GSK3B: variants seen among roughly 807,000 people sequenced by gnomAD.
The protein encoded by GSK3B is glycogen synthase kinase 3 beta, also known as glycogen synthase kinase-3 beta.
Under a neutral mutation model 56.4 loss-of-function variants are expected in GSK3B, and 15 were observed. The observed-to-expected ratio is 0.27, with a 90% CI of 0.18 to 0.41. The LOEUF is 0.41. GSK3B is among the 10% of genes least tolerant of loss of function. GSK3B has a pLI of 1.00. For synonymous variants in GSK3B, 181 were observed against 188.9 expected (o/e 0.96, Z 0.34); for missense variants, 300 against 513.4 (o/e 0.58, Z 4.02).
At chr3:119,907,038 T>C (rs1271965122) in intron 6 of GSK3B, among the ~76,000 whole-genome samples, 2 of 152,092 alleles carry the variant, frequency 1.3e-5, no homozygotes, top group African/African-American at 2.4e-5. Context: ...TATTAGGAAA[T>C]TGCTAAATTA....
chr3:119,954,289 GAATAGAATAGAATAGAAAAGA>G (rs2057189313), intron 2 of GSK3B, among the ~76,000 whole-genome samples: 1 of 129,394 alleles, frequency 7.7e-6, no homozygotes. Flanking sequence ...GAATAGAATA[GAATAGAATAGAATAGAAAAGA>G]AACAGAACAG....
chr3:120,063,650 C>T (rs1464856039), intron 1 of GSK3B, among the ~76,000 whole-genome samples: 2 of 151,252 alleles, frequency 1.3e-5, no homozygotes, highest in East Asian at 3.9e-4. Flanking sequence ...ATCGCTTGAA[C>T]CCAGGAGGCA....
intron 3 of GSK3B, among the ~76,000 whole-genome samples, chr3:119,926,864 G>A (rs1277585337): frequency 6.6e-6 from 1 of 152,038 alleles, no homozygotes. Flanking sequence ...TACCTTCTTA[G>A]TATGGCTTTC....
chr3:119,838,325 T>C (rs1031480431), intron 10 of GSK3B, among the ~76,000 whole-genome samples: 15 of 152,050 alleles, frequency 9.9e-5, no homozygotes, highest in Non-Finnish European at 1.0e-4. Context: ...GAATTGATAG[T>C]AGTATGGGTA....
At chr3:119,979,590 G>C (rs992387468) in intron 2 of GSK3B, among the ~76,000 whole-genome samples, 2 of 152,192 alleles carry the variant, frequency 1.3e-5, no homozygotes, top group Admixed American at 6.5e-5. Flanking sequence ...CTCCATGTCT[G>C]ACTTGTCACA....
intron 1 of GSK3B, chr3:120,029,761 A>T: frequency 1.8e-6 from 1 of 555,526 alleles, no homozygotes. Flanking sequence ...GGAATATGGT[A>T]TGTTACTTAT....
At chr3:119,882,616 G>T (rs1310697406) in intron 7 of GSK3B, among the ~76,000 whole-genome samples, 1 of 152,124 alleles carries the variant, frequency 6.6e-6, no homozygotes, top group African/African-American at 2.4e-5. Context: ...AACTTTTTAT[G>T]TAAGTATGTT....
chr3:120,040,454 G>A (rs2058056774), intron 1 of GSK3B, among the ~76,000 whole-genome samples: 1 of 152,180 alleles, frequency 6.6e-6, no homozygotes, highest in Admixed American at 6.5e-5. Context: ...GGATAGGCAA[G>A]AAATCTCTAA....
Position 119,823,655 on chromosome 3 carries a change from C to CATACATTA in GSK3B, c.*3132_*3133insTAATGTAT, listed in dbSNP as rs1559795803. Reference sequence around the variant, plus strand: ...GGGCTCCCTGGTGCTACACTAAGTCCCTGAATGGACTAAGTATGAAATGAA... The same window carrying CATACATTA: ...GGGCTCCCTGGTGCTACACTAAGTCCATACATTACTGAATGGACTAAGTATGAAATGAA... On this transcript the variant is annotated 3_prime_UTR_variant, in exon 11 of 11. Transcript: ENST00000264235. The CATACATTA allele has an allele frequency of 2.0e-4, 37 of 182,578 alleles. No individual in the cohort carries two copies. Among genetic ancestry groups the CATACATTA allele is most frequent in the Non-Finnish European group, 2.8e-4 (24 of 85,788 alleles). 11.3% of individuals were successfully genotyped at this position (182,578 alleles called of 1,614,324 possible).
intron 2 of GSK3B, among the ~76,000 whole-genome samples, chr3:119,994,964 T>C (rs1047142390): frequency 2.0e-5 from 3 of 152,122 alleles, no homozygotes; most frequent in African/African-American, 7.2e-5. Flanking sequence ...TCTTTTGAGT[T>C]TGGGAAACAG....
At chr3:119,859,057 C>G (rs1406002781) in intron 9 of GSK3B, among the ~76,000 whole-genome samples, 2 of 151,880 alleles carry the variant, frequency 1.3e-5, no homozygotes, top group Non-Finnish European at 2.9e-5. Context: ...GCAAGAATTA[C>G]CAAATGTGGC....
Position 119,893,943 on chromosome 3 carries a change from TTAC to T in GSK3B, c.813+11809_813+11811del, listed in dbSNP as rs201202055. Among the ~76,000 whole-genome samples, 109 of 152,234 alleles carry T rather than the reference TTAC, an allele frequency of 7.2e-4. No homozygotes were observed. In the East Asian group the frequency reaches 0.014, roughly 19 times the overall value. On this transcript the variant is annotated intron_variant, in intron 7 of 10. Coordinates refer to ENST00000264235, the MANE Select transcript of GSK3B (RefSeq NM_001146156.2). ...CACCCCTTATACAACTGAGTGATTT[TTAC>T]TACATTTACAGAGGTGTGCAATCAT...
At chr3:119,850,716 AG>A (rs2055918307) in intron 9 of GSK3B, among the ~76,000 whole-genome samples, 1 of 152,180 alleles carries the variant, frequency 6.6e-6, no homozygotes, top group South Asian at 2.1e-4. Context: ...GGTATTTTGG[AG>A]GATAGAAACA....
chr3:120,030,226 C>T (rs2057964040), intron 1 of GSK3B, among the ~76,000 whole-genome samples: 1 of 152,170 alleles, frequency 6.6e-6, no homozygotes, highest in Non-Finnish European at 1.5e-5. Flanking sequence ...AGGCTTGGTC[C>T]TAGACTCCCT....
intron 10 of GSK3B, among the ~76,000 whole-genome samples, chr3:119,842,835 T>C (rs1357697404): frequency 6.6e-6 from 1 of 152,202 alleles, no homozygotes; most frequent in Non-Finnish European, 1.5e-5. Context: ...CTCATTTGGC[T>C]GTGCTGTTTT....
chr3:119,850,806 T>A (rs1243738576), intron 9 of GSK3B, among the ~76,000 whole-genome samples: 1 of 152,044 alleles, frequency 6.6e-6, no homozygotes, highest in Non-Finnish European at 1.5e-5. Context: ...AGACTGAAAT[T>A]GAAATGTAAG....
At position 119,908,378 on chromosome 3, in the gene GSK3B, G is replaced by A. The variant is rs116169616; in HGVS notation, c.716-2526C>T. Among the ~76,000 whole-genome samples the A allele has an allele frequency of 4.2e-3, 645 of 152,250 alleles. 1 individual carries two copies. The highest frequency in any genetic ancestry group is 0.015 in the African/African-American group (609 of 41,544). ...TGGAAAATCCAATGACATACCCAAA[G>A]ACAAGGGGCTGAAATTTGCTCTTGG... On this transcript the variant is annotated intron_variant, in intron 6 of 10. Coordinates refer to ENST00000264235, the MANE Select transcript of GSK3B (RefSeq NM_001146156.2).
At chr3:120,047,550 G>A (rs750213035) in intron 1 of GSK3B, among the ~76,000 whole-genome samples, 43 of 152,128 alleles carry the variant, frequency 2.8e-4, no homozygotes, top group Non-Finnish European at 5.6e-4. Flanking sequence ...CTATCCTCAA[G>A]CAACTAGTAC....
In GSK3B at chr3:120,006,096, T is replaced by C. The variant is rs969315488; in HGVS notation, c.89-3857A>G. Among the ~76,000 whole-genome samples the C allele has an allele frequency of 2.7e-5, 4 of 150,934 alleles. No individual in the cohort carries two copies. In the East Asian group the frequency reaches 5.8e-4, roughly 22 times the overall value. On this transcript the variant is annotated intron_variant, in intron 1 of 10. Transcript: ENST00000264235. ...GATGGAGAAAGATCTACCAAGCAAA[T>C]GGAAAGCAAAAAAAAATCCTGGTCT... is the stretch of plus-strand genomic sequence containing the variant.
Sources: gnomAD v4.1 joint callset for allele counts (sites outside exome capture counted in the v4.1 genomes callset) on GRCh38, gnomAD v4.1.1 for gene constraint, MANE v1.5 for transcripts, NCBI Gene and HGNC (gene_info 2026-07-23, HGNC 2026-07-21) for gene names.